The following SCARB1 variants were observed in gnomAD, a reference collection of about 807,000 sequenced individuals.
SCARB1 encodes CD36 and LIMPII analogous 1.
In SCARB1, 30 loss-of-function variants were observed where a neutral mutation model predicts 57.2. That is an observed-to-expected ratio of 0.52 (90% confidence interval 0.39 to 0.71). The LOEUF is 0.71. SCARB1 is among the 30% of genes least tolerant of loss of function. SCARB1 has a pLI of 0.00. For synonymous variants in SCARB1, 249 were observed against 268.3 expected, an observed-to-expected ratio of 0.93 and a Z score of 0.70; for missense variants, 543 against 671.2, an observed-to-expected ratio of 0.81 and a Z score of 2.11.
At chr12:124,860,663 C>A (rs575804239) in intron 1 of SCARB1, among the ~76,000 whole-genome samples, 1 of 152,224 alleles carries the variant, frequency 6.6e-6, no homozygotes, top group Admixed American at 6.5e-5. Context: ...GCTCCCAAGG[C>A]CCCACTTCTA....
At position 124,800,754 on chromosome 12, in the gene SCARB1, G is replaced by A. The variant is rs1950100432; in HGVS notation, c.1010-512C>T. Among the ~76,000 whole-genome samples the A allele has an allele frequency of 6.6e-6, 1 of 152,190 alleles. No homozygotes were observed. The highest frequency in any genetic ancestry group is 2.4e-5 in the African/African-American group (1 of 41,444). ...TGTGCACCTGTGGCCAGATCTCCCT[G>A]CATCCACAGGAGTGTGTCCCTGTAG... is the stretch of plus-strand genomic sequence containing the variant. On this transcript the variant is annotated intron_variant, in intron 7 of 12. Transcript: ENST00000261693. This position sits in a 1 kb window ranked among gnomAD's most constrained non-coding sequence, Gnocchi z 4.8.
Position 124,807,814 on chromosome 12 carries a change from CCTT to C in SCARB1, c.953_955del (p.Glu318del), listed in dbSNP as rs1566173725. 6.2e-7 allele frequency: 1 copy of C among 1,614,134 alleles called. No individual in the cohort carries two copies. The highest frequency in any genetic ancestry group is 1.3e-5 in the African/African-American group (1 of 75,028). The stretch of plus-strand genomic sequence containing the variant: ...TCCAGACTCCAGGCACGGGCAGAAG[CCTT>C]CGTTGGGTGGGTAGATGGACCCGTT... On this transcript the variant is annotated inframe_deletion, in exon 7 of 13. Coordinates refer to ENST00000261693, the MANE Select transcript of SCARB1 (RefSeq NM_005505.5). This position sits in a 1 kb window ranked among gnomAD's most constrained non-coding sequence, Gnocchi z 5.3.
chr12:124,824,265 G>A (rs900012185), intron 1 of SCARB1, among the ~76,000 whole-genome samples: 2 of 152,072 alleles, frequency 1.3e-5, no homozygotes, highest in South Asian at 2.1e-4. Flanking sequence ...TCAAAAACCT[G>A]ACATGGAGTG....
chr12:124,797,626 A>C (rs905122392), intron 8 of SCARB1, among the ~76,000 whole-genome samples: 1 of 152,212 alleles, frequency 6.6e-6, no homozygotes, highest in African/African-American at 2.4e-5. Context: ...GAGGGGAAGA[A>C]AGAAAATCCG....
intron 7 of SCARB1, among the ~76,000 whole-genome samples, chr12:124,805,425 G>A (rs1950286039): frequency 6.6e-6 from 1 of 152,054 alleles, no homozygotes. Context: ...GAGAAATGGA[G>A]TCAGAGAGGC....
intron 1 of SCARB1, among the ~76,000 whole-genome samples, chr12:124,825,112 C>G (rs1951089023): frequency 6.6e-6 from 1 of 151,260 alleles, no homozygotes; most frequent in South Asian, 2.1e-4. Flanking sequence ...GTAGTCCCAG[C>G]TACTCGGGTG....
At position 124,848,718 on chromosome 12, in the gene SCARB1, G is replaced by C. The variant is rs1345143540; in HGVS notation, c.126+14877C>G. Among the ~76,000 whole-genome samples the C allele has an allele frequency of 2.0e-5, 3 of 152,240 alleles. No individual in the cohort carries two copies. The South Asian group carries it at 6.2e-4, about 32-fold the overall frequency. The stretch of plus-strand genomic sequence containing the variant: ...GGATGCCTCCCTCGTGAGAACGGCA[G>C]AACGAGCCGTGGTACATCCGCACCG... On this transcript the variant is annotated intron_variant, in intron 1 of 12. Coordinates refer to ENST00000261693, the MANE Select transcript of SCARB1 (RefSeq NM_005505.5).
At chr12:124,781,212 C>T (rs1873410127) in intron 12 of SCARB1, among the ~76,000 whole-genome samples, 1 of 152,242 alleles carries the variant, frequency 6.6e-6, no homozygotes, top group Non-Finnish European at 1.5e-5. Flanking sequence ...CTGCCCACCC[C>T]TTGGCATTTT....
chr12:124,819,660 G>A (rs898952206), intron 1 of SCARB1, among the ~76,000 whole-genome samples: 2 of 152,140 alleles, frequency 1.3e-5, no homozygotes, highest in East Asian at 1.9e-4. Context: ...AGCTGATGTC[G>A]CAAAGCCAGG....
chr12:124,781,090 A>G (rs701106), intron 12 of SCARB1, among the ~76,000 whole-genome samples: 122,729 of 152,124 alleles, frequency 0.81, 49,663 homozygotes, highest in East Asian at 0.87. Context: ...TTAACACTCC[A>G]CCCCAACATG....
chr12:124,810,201 A>T lies in SCARB1; in HGVS notation c.815T>A (p.Leu272Gln), dbSNP rs765811290. The part of the protein sequence containing the change: ...WPPFMTPESS[L>Q]EFYSPEACRS... ...GCAGGCCTCCGGGCTGTAGAACTCCAGCGAGGACTCAGGAGTCATGAAGGG... is the reference window on the plus strand; with the variant it reads ...GCAGGCCTCCGGGCTGTAGAACTCCTGCGAGGACTCAGGAGTCATGAAGGG... The change falls in exon 6 of 13, where the codon CTG becomes CAG. Residue 272 changes from leucine (L) to glutamine (Q), a missense_variant. Leu to Gln is a moderately radical substitution (Grantham distance 113, BLOSUM62 -2). Coordinates refer to ENST00000261693, the MANE Select transcript of SCARB1 (RefSeq NM_005505.5). This position sits in a 1 kb window ranked among gnomAD's most constrained non-coding sequence, Gnocchi z 4.0. 6.2e-7 allele frequency: 1 copy of T among 1,613,698 alleles called. No homozygotes were observed. The highest frequency in any genetic ancestry group is 8.5e-7 in the Non-Finnish European group (1 of 1,179,556).
chr12:124,817,454 G>A lies in SCARB1; in HGVS notation c.284+96C>T. On this transcript the variant is annotated intron_variant, in intron 2 of 12. Transcript: ENST00000261693. This position sits in a 1 kb window ranked among gnomAD's most constrained non-coding sequence, Gnocchi z 4.8. ...TGCCTGCTTCCGGAACAATCTCTGG[G>A]GCTCAGTCAGCAGCCTCCCCATCCC... The A allele has an allele frequency of 8.0e-7, 1 of 1,256,876 alleles. No individual in the cohort carries two copies. The highest frequency in any genetic ancestry group is 1.1e-6 in the Non-Finnish European group (1 of 881,328). 77.9% of individuals were successfully genotyped at this position (1,256,876 alleles called of 1,614,324 possible).
intron 9 of SCARB1, among the ~76,000 whole-genome samples, chr12:124,793,730 G>A (rs560039291): frequency 2.0e-5 from 3 of 151,870 alleles, no homozygotes; most frequent in East Asian, 1.9e-4. Context: ...GGGATGGGGG[G>A]CAGAGGCTGT....
At chr12:124,815,202 AG>A in intron 2 of SCARB1, 88 bp from the exon 3 acceptor site, 1 of 1,502,036 alleles carries the variant, frequency 6.7e-7, no homozygotes, top group Non-Finnish European at 9.1e-7. Context: ...CCTGGGAACC[AG>A]GGGCCCTGGA....
intron 1 of SCARB1, among the ~76,000 whole-genome samples, chr12:124,832,332 C>T (rs765499766): frequency 1.3e-5 from 2 of 152,082 alleles, no homozygotes; most frequent in Non-Finnish European, 2.9e-5. Flanking sequence ...CTAGCCTGGC[C>T]AACATAGTGA....
rs1217136777 is a variant in SCARB1 at position 124,853,399 on chromosome 12, T to G, written c.126+10196A>C. Reference sequence around the variant, plus strand: ...CAGTTTGCATAGTTTTGTTTTTTTTTTTTTTTTTTTTGGGAGACGGAGTCT... The same window carrying G: ...CAGTTTGCATAGTTTTGTTTTTTTTGTTTTTTTTTTTGGGAGACGGAGTCT... On this transcript the variant is annotated intron_variant, in intron 1 of 12. Transcript: ENST00000261693. 4.0e-5 allele frequency among the ~76,000 whole-genome samples: 6 copies of G among 150,050 alleles called. No homozygotes were observed. In the South Asian group the frequency reaches 8.4e-4, roughly 21 times the overall value.
rs530805113 is a variant in SCARB1 at position 124,821,233 on chromosome 12, A to ATC, written c.127-3528_127-3527dup. 1.7e-3 allele frequency: 269 copies of ATC among 157,168 alleles called. 1 individual carries two copies. The Middle Eastern group carries it at 0.017, about 10-fold the overall frequency. 9.7% of individuals were successfully genotyped at this position (157,168 alleles called of 1,614,324 possible). On this transcript the variant is annotated intron_variant, in intron 1 of 12. Transcript: ENST00000261693. ...AGCCTGGGCAACAGAACGAGACTCC[A>ATC]TCTCACACACACACACACACACACA...
intron 1 of SCARB1, among the ~76,000 whole-genome samples, chr12:124,837,720 T>C (rs1197479040): frequency 6.8e-6 from 1 of 146,104 alleles, no homozygotes; most frequent in East Asian, 2.1e-4. Flanking sequence ...GGACCCCCCC[T>C]ACACACCCAC....
chr12:124,863,609 G>T lies in SCARB1; in HGVS notation c.112C>A (p.Gln38Lys). Residue 38 changes from glutamine (Q) to lysine (K), a missense_variant, in exon 1 of 13, where the codon CAG becomes AAG. Coordinates refer to ENST00000261693, the MANE Select transcript of SCARB1 (RefSeq NM_005505.5). The stretch of plus-strand genomic sequence containing the variant: ...CCCTCACCCACCTTAAGGACCTGCT[G>T]CTTGATGAGCGACGGCACCATCACG... ...MIVMVPSLIK[Q>K]QVLKNVRIDP... 6.2e-7 allele frequency: 1 copy of T among 1,602,510 alleles called. No individual in the cohort carries two copies. Among genetic ancestry groups the T allele is most frequent in the Non-Finnish European group, 8.5e-7 (1 of 1,174,780 alleles).
Sources: allele counts gnomAD v4.1 joint callset (sites outside exome capture counted in the v4.1 genomes callset), GRCh38; gene constraint gnomAD v4.1.1; non-coding constraint Gnocchi (gnomAD v3.1); transcripts MANE v1.5; gene names NCBI Gene and HGNC (gene_info 2026-07-23, HGNC 2026-07-21).